LRRC4C: variants seen among roughly 807,000 people sequenced by gnomAD.
LRRC4C encodes the protein leucine rich repeat containing 4C.
In LRRC4C, 5 loss-of-function variants were observed where a neutral mutation model predicts 33.6. The observed-to-expected ratio is 0.15, with a 90% CI of 0.08 to 0.31. The LOEUF (loss-of-function observed/expected upper bound fraction) is 0.31. Ranked by LOEUF, LRRC4C falls within the 10% of genes least tolerant of loss-of-function variation. The pLI, the probability that LRRC4C is intolerant of heterozygous loss-of-function variation, is 1.00. For synonymous variants in LRRC4C, 329 were observed against 302.0 expected, an observed-to-expected ratio of 1.09 and a Z score of -0.93; for missense variants, 560 against 796.7, an observed-to-expected ratio of 0.70 and a Z score of 3.58.
intron 2 of LRRC4C, among the ~76,000 whole-genome samples, chr11:40,652,823 T>C (rs1942885943): frequency 6.6e-6 from 1 of 152,196 alleles, no homozygotes; most frequent in Non-Finnish European, 1.5e-5. Flanking sequence ...TCTGATATGG[T>C]TTGACTCTGT....
intron 1 of LRRC4C, among the ~76,000 whole-genome samples, chr11:41,100,294 C>T (rs758678681): frequency 4.6e-5 from 7 of 151,958 alleles, no homozygotes; most frequent in Non-Finnish European, 8.8e-5. Context: ...TGGCTGGGTG[C>T]GGTGGCTCAC....
chr11:40,289,581 T>G (rs1001171776), intron 4 of LRRC4C, among the ~76,000 whole-genome samples: 2 of 152,178 alleles, frequency 1.3e-5, no homozygotes, highest in African/African-American at 4.8e-5. Flanking sequence ...CACCCACTGA[T>G]GAAGTAAGTT....
rs775679545 is a variant in LRRC4C, at chr11:41,442,458, C to CTTTTTT, written c.-496+16967_-496+16972dup. On this transcript the variant is annotated intron_variant, in intron 1 of 6. Coordinates refer to ENST00000528697, the MANE Select transcript of LRRC4C (RefSeq NM_001258419.2). ...AGTTCTCTCTCTTTGTTGCTTTTTT[C>CTTTTTT]TTTTTTTTTTTTTTTTTTTTTTTTT... 2.9e-3 allele frequency among the ~76,000 whole-genome samples: 246 copies of CTTTTTT among 84,034 alleles called. 3 individuals are homozygous for CTTTTTT. The highest frequency in any genetic ancestry group is 3.7e-3 in the East Asian group (11 of 2,962). 55.1% of individuals were successfully genotyped at this position (84,034 alleles called of 152,430 possible). A position where few individuals can be genotyped will look rare whatever the true frequency, so the allele number is the denominator to read the frequency against.
At chr11:40,185,330 T>G (rs1861321313) in intron 5 of LRRC4C, among the ~76,000 whole-genome samples, 1 of 152,050 alleles carries the variant, frequency 6.6e-6, no homozygotes, top group Non-Finnish European at 1.5e-5. Context: ...ATTTTCAGCC[T>G]CCAGGGCTTA....
chr11:40,711,415 C>T lies in LRRC4C; in HGVS notation c.-406-63137G>A, dbSNP rs545370197. ...CAAAACAGGAGCTATCTTATCTTCC[C>T]CAGTTATTGATCAAATTTTAGAACA... On this transcript the variant is annotated intron_variant, in intron 2 of 6. Coordinates refer to ENST00000528697, the MANE Select transcript of LRRC4C (RefSeq NM_001258419.2). Among the ~76,000 whole-genome samples, 5 of 152,144 alleles carry T rather than the reference C, an allele frequency of 3.3e-5. No individual in the cohort carries two copies. The South Asian group carries it at 8.3e-4, about 25-fold the overall frequency.
chr11:40,902,244 C>T (rs1956241322), intron 2 of LRRC4C, among the ~76,000 whole-genome samples: 1 of 151,890 alleles, frequency 6.6e-6, no homozygotes. Context: ...TGTTATGGTG[C>T]TCGTGATCAG....
chr11:41,038,084 G>A (rs1373504397), intron 1 of LRRC4C, among the ~76,000 whole-genome samples: 1 of 152,116 alleles, frequency 6.6e-6, no homozygotes, highest in African/African-American at 2.4e-5. Context: ...ACTGGGAATG[G>A]AATCCCAGCC....
chr11:40,920,999 C>T (rs1957151640), intron 2 of LRRC4C, among the ~76,000 whole-genome samples: 1 of 151,332 alleles, frequency 6.6e-6, no homozygotes, highest in African/African-American at 2.4e-5. Flanking sequence ...TGGCTCACTG[C>T]AGCGTCAGTT....
At chr11:41,145,229 C>G (rs1943676530) in intron 1 of LRRC4C, among the ~76,000 whole-genome samples, 1 of 152,068 alleles carries the variant, frequency 6.6e-6, no homozygotes, top group African/African-American at 2.4e-5. Flanking sequence ...CAATTTTTGG[C>G]TTTGGCACAC....
intron 2 of LRRC4C, among the ~76,000 whole-genome samples, chr11:40,704,234 C>T (rs995567888): frequency 2.0e-5 from 3 of 152,110 alleles, no homozygotes; most frequent in African/African-American, 7.2e-5. Context: ...ATATAAGGGA[C>T]TTGAGCATCC....
At chr11:40,300,561 C>T (rs1199520208) in intron 4 of LRRC4C, among the ~76,000 whole-genome samples, 1 of 152,200 alleles carries the variant, frequency 6.6e-6, no homozygotes, top group Non-Finnish European at 1.5e-5. Context: ...TCCTCTGTAT[C>T]TGTGGGCAAT....
intron 1 of LRRC4C, among the ~76,000 whole-genome samples, chr11:41,092,075 AT>A (rs200674639): frequency 1.4e-4 from 21 of 152,088 alleles, no homozygotes; most frequent in African/African-American, 4.3e-4. Flanking sequence ...TATTTTAAGT[AT>A]TTTTTTACAA....
rs1946990839 is a variant in LRRC4C, at chr11:40,343,784, C to T, written c.-269-24063G>A. On this transcript the variant is annotated intron_variant, in intron 3 of 6. Transcript: ENST00000528697. ...AATAAAGAACAAAAAGAGAGAAGATCCAAATAAACATAATTAGAAATGGCA... is the reference window on the plus strand; with the variant it reads ...AATAAAGAACAAAAAGAGAGAAGATTCAAATAAACATAATTAGAAATGGCA... Among the ~76,000 whole-genome samples, 4 of 145,158 alleles carry T rather than the reference C, an allele frequency of 2.8e-5. No homozygotes were observed. The Admixed American group carries it at 2.8e-4, about 10-fold the overall frequency.
intron 5 of LRRC4C, among the ~76,000 whole-genome samples, chr11:40,222,529 G>A (rs1864493569): frequency 6.6e-6 from 1 of 152,078 alleles, no homozygotes; most frequent in Non-Finnish European, 1.5e-5. Context: ...TTTAATTACT[G>A]CAGCATAGTC....
At chr11:40,636,309 T>G (rs1052751545) in intron 3 of LRRC4C, among the ~76,000 whole-genome samples, 3 of 152,150 alleles carry the variant, frequency 2.0e-5, no homozygotes, top group African/African-American at 7.2e-5. Flanking sequence ...GAAGTCTAAG[T>G]CACTCAGCCT....
At chr11:40,157,835 T>C (rs1394651263) in intron 5 of LRRC4C, among the ~76,000 whole-genome samples, 6 of 152,104 alleles carry the variant, frequency 3.9e-5, no homozygotes, top group African/African-American at 1.2e-4. Context: ...ACAGCCACTA[T>C]GGAAAACAGT....
chr11:40,965,777 G>T (rs1387850383), intron 1 of LRRC4C, among the ~76,000 whole-genome samples: 1 of 151,812 alleles, frequency 6.6e-6, no homozygotes, highest in Non-Finnish European at 1.5e-5. Flanking sequence ...TGTAGCCTTG[G>T]AGTATAGTTT....
chr11:41,222,131 AAC>A, intron 1 of LRRC4C, among the ~76,000 whole-genome samples: 1 of 152,324 alleles, frequency 6.6e-6, no homozygotes, highest in South Asian at 2.1e-4. Flanking sequence ...AAGAGACAAA[AAC>A]ACACAATAGC....
At chr11:40,878,646 G>T (rs1027408109) in intron 2 of LRRC4C, among the ~76,000 whole-genome samples, 2 of 152,140 alleles carry the variant, frequency 1.3e-5, no homozygotes, top group African/African-American at 2.4e-5. Flanking sequence ...CTCCTACTGT[G>T]CAGCCTGGTG....
Sources: gnomAD v4.1 joint callset for allele counts (sites outside exome capture counted in the v4.1 genomes callset) on GRCh38, gnomAD v4.1.1 for gene constraint, MANE v1.5 for transcripts, NCBI Gene and HGNC (gene_info 2026-07-23, HGNC 2026-07-21) for gene names.